Variants in TMEM74 observed in about 807,000 individuals in gnomAD.
The protein encoded by TMEM74 is transmembrane protein 74.
TMEM74 carries 13 observed loss-of-function variants against 18.1 expected under a neutral mutation model. The observed-to-expected ratio is 0.72, with a 90% CI of 0.47 to 1.14. TMEM74 has a LOEUF of 1.14. Among genes scored for constraint, TMEM74 ranks in the 50% most tolerant of loss-of-function variants. The pLI is 0.00. For missense variants in TMEM74, 372 were observed against 375.9 expected, an observed-to-expected ratio of 0.99 and a Z score of 0.09; for synonymous variants, 159 against 146.6, an observed-to-expected ratio of 1.08 and a Z score of -0.61.
At chr8:108,619,732 C>A (rs1011949585) in intron 2 of TMEM74, among the ~76,000 whole-genome samples, 2 of 152,152 alleles carry the variant, frequency 1.3e-5, no homozygotes, top group Non-Finnish European at 2.9e-5. Flanking sequence ...TACATATATG[C>A]ATGCTTCTGT....
At chr8:108,754,476 A>G (rs1176912279) in intron 1 of TMEM74, among the ~76,000 whole-genome samples, 1 of 151,946 alleles carries the variant, frequency 6.6e-6, no homozygotes, top group Admixed American at 6.6e-5. Flanking sequence ...CTTCTAGTCA[A>G]TAAAATATGG....
chr8:108,677,002 TC>T (rs1376699426), intron 1 of TMEM74, among the ~76,000 whole-genome samples: 1 of 152,230 alleles, frequency 6.6e-6, no homozygotes, highest in Non-Finnish European at 1.5e-5. Flanking sequence ...AAAATGTAAA[TC>T]AAAACATTAT....
rs1814277143 is a variant in TMEM74 at position 108,779,521 on chromosome 8, A to T, written c.*4660T>A. ...TCACACTCTCATGAGCCTGAAATTG[A>T]GAGGTTAAAAAACAAATTAATAAAT... On this transcript the variant is annotated 3_prime_UTR_variant, in exon 2 of 2. Coordinates refer to ENST00000297459, the MANE Select transcript of TMEM74 (RefSeq NM_153015.3). Among the ~76,000 whole-genome samples, 1 of 152,198 alleles carries T rather than the reference A, an allele frequency of 6.6e-6. No homozygotes were observed. Among genetic ancestry groups the T allele is most frequent in the African/African-American group, 2.4e-5 (1 of 41,460 alleles).
chr8:108,676,592 C>T (rs1320946599), intron 1 of TMEM74, among the ~76,000 whole-genome samples: 2 of 152,126 alleles, frequency 1.3e-5, no homozygotes, highest in Admixed American at 6.6e-5. Flanking sequence ...GACCACCCTG[C>T]CCTATTATAT....
chr8:108,632,243 G>A (rs1248611151), intron 2 of TMEM74, among the ~76,000 whole-genome samples: 1 of 151,846 alleles, frequency 6.6e-6, no homozygotes, highest in Non-Finnish European at 1.5e-5. Flanking sequence ...GAAAAAGGAT[G>A]GACAGTAACT....
intron 1 of TMEM74, among the ~76,000 whole-genome samples, chr8:108,701,336 A>G (rs561874761): frequency 4.6e-5 from 7 of 152,312 alleles, no homozygotes; most frequent in Admixed American, 2.6e-4. Context: ...GAGATCAGGA[A>G]GAAGGCAATC....
At position 108,738,856 on chromosome 8, in the gene TMEM74, G is replaced by A. The variant is rs1315269167; in HGVS notation, n.119+48620C>T. 2.6e-5 allele frequency among the ~76,000 whole-genome samples: 4 copies of A among 152,176 alleles called. No individual in the cohort carries two copies. The East Asian group carries it at 7.7e-4, about 29-fold the overall frequency. ...TAGGCACTCAGACTCCTTGAATTTTGTTGTATAGTCACATAATCTAGCCAT... is the reference window on the plus strand; with the variant it reads ...TAGGCACTCAGACTCCTTGAATTTTATTGTATAGTCACATAATCTAGCCAT... On this transcript the variant is annotated intron_variant and non_coding_transcript_variant, in intron 1 of 3. Coordinates refer to the TMEM74 transcript ENST00000518838.
At chr8:108,651,717 A>G (rs762468088) in intron 2 of TMEM74, among the ~76,000 whole-genome samples, 3 of 152,012 alleles carry the variant, frequency 2.0e-5, no homozygotes, top group Non-Finnish European at 4.4e-5. Context: ...TGGTGCCTAG[A>G]GAATATGTGG....
intron 2 of TMEM74, among the ~76,000 whole-genome samples, chr8:108,648,403 G>C (rs1222343195): frequency 1.3e-5 from 2 of 152,132 alleles, no homozygotes; most frequent in South Asian, 2.1e-4. Context: ...AGGTAGGTAA[G>C]AGAAGCTGTC....
Position 108,781,270 on chromosome 8 carries a change from C to A in TMEM74, c.*2911G>T, listed in dbSNP as rs897325876. Among the ~76,000 whole-genome samples, 10 of 152,238 alleles carry A rather than the reference C, an allele frequency of 6.6e-5. No homozygotes were observed. The highest frequency in any genetic ancestry group is 1.2e-4 in the Non-Finnish European group (8 of 68,040). On this transcript the variant is annotated 3_prime_UTR_variant, in exon 2 of 2. Coordinates refer to ENST00000297459, the MANE Select transcript of TMEM74 (RefSeq NM_153015.3). Reference sequence around the variant, plus strand: ...AAGAGACAGACGGAAGGTCACAAATCTCCATGAAGGATGCAAGACCAAAAC... The same window carrying A: ...AAGAGACAGACGGAAGGTCACAAATATCCATGAAGGATGCAAGACCAAAAC...
chr8:108,659,494 T>C (rs1812879280), intron 1 of TMEM74, among the ~76,000 whole-genome samples: 1 of 152,150 alleles, frequency 6.6e-6, no homozygotes. Flanking sequence ...CTTGGTCCTT[T>C]TCTGCCATTT....
chr8:108,731,155 T>C (rs1338299207), intron 1 of TMEM74, among the ~76,000 whole-genome samples: 1 of 152,134 alleles, frequency 6.6e-6, no homozygotes, highest in Non-Finnish European at 1.5e-5. Context: ...GTTAACCCTA[T>C]ATTTCCTGCT....
intron 1 of TMEM74, among the ~76,000 whole-genome samples, chr8:108,757,477 A>T (rs1390128550): frequency 3.9e-5 from 6 of 152,042 alleles, no homozygotes; most frequent in Non-Finnish European, 5.9e-5. Flanking sequence ...TACTATTGTG[A>T]ATATTTATTC....
chr8:108,695,596 C>G (rs1046016363), intron 1 of TMEM74, among the ~76,000 whole-genome samples: 2 of 152,144 alleles, frequency 1.3e-5, no homozygotes, highest in Non-Finnish European at 2.9e-5. Context: ...TAGCAAGTAG[C>G]TGAGCCAGGA....
chr8:108,745,321 T>C (rs1466999382), intron 1 of TMEM74, among the ~76,000 whole-genome samples: 1 of 152,180 alleles, frequency 6.6e-6, no homozygotes, highest in African/African-American at 2.4e-5. Context: ...AACTCTGCTG[T>C]TGGAGGGCAA....
intron 1 of TMEM74, among the ~76,000 whole-genome samples, chr8:108,682,414 C>T (rs2130600194): frequency 6.6e-6 from 1 of 152,090 alleles, no homozygotes; most frequent in South Asian, 2.1e-4. Flanking sequence ...CAATTTCTTT[C>T]TTCTGAATAC....
intron 1 of TMEM74, among the ~76,000 whole-genome samples, chr8:108,733,959 C>T (rs1813720286): frequency 6.6e-6 from 1 of 152,186 alleles, no homozygotes; most frequent in Non-Finnish European, 1.5e-5. Flanking sequence ...TGAATCCCTT[C>T]ACTCTTCTCG....
In TMEM74 at chr8:108,781,752, G is replaced by C. The variant is rs1814309538; in HGVS notation, c.*2429C>G. On this transcript the variant is annotated 3_prime_UTR_variant, in exon 2 of 2. Coordinates refer to ENST00000297459, the MANE Select transcript of TMEM74 (RefSeq NM_153015.3). ...AGGGAAAAGAAAGGAAATGTATTTT[G>C]ATGTGTTAGGTCTTTTTCTCCCCCG... Among the ~76,000 whole-genome samples, 1 of 152,164 alleles carries C rather than the reference G, an allele frequency of 6.6e-6. No individual in the cohort carries two copies. The highest frequency in any genetic ancestry group is 2.1e-4 in the South Asian group (1 of 4,826).
At chr8:108,713,456 A>T (rs1001284185) in intron 1 of TMEM74, among the ~76,000 whole-genome samples, 1 of 152,236 alleles carries the variant, frequency 6.6e-6, no homozygotes, top group African/African-American at 2.4e-5. Flanking sequence ...CATTCATTCA[A>T]TACATATTTT....
Sources: allele counts gnomAD v4.1 joint callset (sites outside exome capture counted in the v4.1 genomes callset), GRCh38; gene constraint gnomAD v4.1.1; transcripts MANE v1.5; gene names NCBI Gene and HGNC (gene_info 2026-07-23, HGNC 2026-07-21).